LMTK2: variants seen among roughly 807,000 people sequenced by gnomAD.
LMTK2 encodes serine/threonine-protein kinase LMTK2.
A neutral mutation model predicts 127.5 loss-of-function variants in LMTK2; 37 were observed. The ratio of observed to expected loss-of-function variants is 0.29; its 90% CI spans 0.22 to 0.38. The LOEUF (loss-of-function observed/expected upper bound fraction) is 0.38, where lower values mean the gene tolerates loss of function less well. Ranked by LOEUF, LMTK2 falls within the 10% of genes least tolerant of loss-of-function variation. The pLI is 1.00. For synonymous variants in LMTK2, 819 were observed against 810.1 expected (o/e 1.01, Z -0.19); for missense variants, 1,694 against 1,920.3 (o/e 0.88, Z 2.20).
chr7:98,193,656 A>G lies in LMTK2; in HGVS notation c.3191A>G (p.His1064Arg). The G allele has an allele frequency of 6.2e-7, 1 of 1,613,800 alleles. No homozygotes were observed. The highest frequency in any genetic ancestry group is 8.5e-7 in the Non-Finnish European group (1 of 1,179,918). Residue 1064 changes from histidine to arginine, a missense_variant, in exon 11 of 14, where the codon CAC becomes CGC. Transcript: ENST00000297293. The surrounding 1 kb of genome is among the most constrained non-coding windows in gnomAD (Gnocchi z 4.1). ...CCAGCCACCACGGGCGATGGCGGCC[A>G]CAGCGGTCTGCCTCCCAACCCGGTC... The part of the protein sequence containing the change: ...SEPATTGDGG[H>R]SGLPPNPVIV...
At chr7:98,196,540 G>A (rs566213142) in intron 11 of LMTK2, among the ~76,000 whole-genome samples, 4 of 152,320 alleles carry the variant, frequency 2.6e-5, no homozygotes, top group South Asian at 4.1e-4. Flanking sequence ...TGAGCAGTGC[G>A]GTTAGGAGCT....
In LMTK2 at chr7:98,193,338, C is replaced by A; in HGVS notation, c.2873C>A (p.Ala958Glu). The change falls in exon 11 of 14, where the codon GCA (alanine) becomes GAA (glutamate). Residue 958 changes from alanine to glutamate, a missense_variant. Physicochemically the swap from Ala to Glu is moderately radical, Grantham distance 107 (BLOSUM62 -1). This residue lies in a region of LMTK2 where 527 missense variants were observed against 539.8 expected (regional missense o/e 0.98). Transcript: ENST00000297293. The surrounding 1 kb of genome is among the most constrained non-coding windows in gnomAD (Gnocchi z 4.1). ...ETLNQLNSKD[A>E]AKEAGLVSAL... ...TTAAATCAGCTCAATTCTAAAGACG[C>A]AGCAAAAGAAGCAGGCTTGGTGTCT... is the stretch of plus-strand genomic sequence containing the variant. 2 of 1,614,162 alleles carry A rather than the reference C, an allele frequency of 1.2e-6. No individual in the cohort carries two copies. The highest frequency in any genetic ancestry group is 1.7e-6 in the Non-Finnish European group (2 of 1,180,034).
rs1008493734 is a variant in LMTK2 at position 98,203,913 on chromosome 7, A to G, written c.4241-31A>G. ...CCCTCTCCCTCATCACGCAGTGATA[A>G]AAAGGGTGGGGTTTTATTTTTTATT... On this transcript the variant is annotated intron_variant, in intron 12 of 13. Coordinates refer to ENST00000297293, the MANE Select transcript of LMTK2 (RefSeq NM_014916.4). 8 of 1,610,712 alleles carry G rather than the reference A, an allele frequency of 5.0e-6. No homozygotes were observed. In the African/African-American group the frequency reaches 5.4e-5, roughly 11 times the overall value.
chr7:98,167,958 G>A (rs918247516), intron 6 of LMTK2, among the ~76,000 whole-genome samples: 5 of 152,160 alleles, frequency 3.3e-5, no homozygotes, highest in African/African-American at 1.2e-4. Context: ...AGAACGGGCC[G>A]GTCTCCATTA....
chr7:98,190,530 G>T (rs1797506252), intron 9 of LMTK2, among the ~76,000 whole-genome samples, 198 bp from the exon 10 acceptor site: 1 of 152,102 alleles, frequency 6.6e-6, no homozygotes, highest in South Asian at 2.1e-4. Context: ...TGCAGTGAGT[G>T]GAGATCACAC....
chr7:98,121,942 C>T (rs34187237), intron 1 of LMTK2, among the ~76,000 whole-genome samples: 27 of 152,172 alleles, frequency 1.8e-4, no homozygotes, highest in Non-Finnish European at 3.2e-4. Context: ...GAGGTCTAGG[C>T]TGTGTTCGCA....
intron 4 of LMTK2, among the ~76,000 whole-genome samples, chr7:98,154,274 C>A (rs906983801): frequency 3.9e-5 from 6 of 152,206 alleles, no homozygotes; most frequent in African/African-American, 1.4e-4. Flanking sequence ...GGATGGAGTG[C>A]GATGGGTGTT....
intron 1 of LMTK2, among the ~76,000 whole-genome samples, chr7:98,127,072 T>C (rs183808524): frequency 9.8e-5 from 15 of 152,356 alleles, no homozygotes; most frequent in Admixed American, 2.6e-4. Flanking sequence ...AATGTTCTTA[T>C]AAATAGATAT....
intron 1 of LMTK2, among the ~76,000 whole-genome samples, chr7:98,120,635 G>A (rs1292015858): frequency 6.6e-6 from 1 of 152,076 alleles, no homozygotes; most frequent in Admixed American, 6.6e-5. Context: ...TTAAACTTGT[G>A]CCCCTTTCAA....
intron 3 of LMTK2, among the ~76,000 whole-genome samples, chr7:98,145,602 C>G (rs544743746): frequency 1.3e-5 from 2 of 152,214 alleles, no homozygotes; most frequent in South Asian, 4.1e-4. Flanking sequence ...ATGCACTGAT[C>G]TTTTCTTTTC....
At chr7:98,143,420 AC>A (rs1385277451) in intron 3 of LMTK2, among the ~76,000 whole-genome samples, 2 of 152,232 alleles carry the variant, frequency 1.3e-5, no homozygotes, top group Non-Finnish European at 2.9e-5. Flanking sequence ...TTTGTGAACT[AC>A]AAACAGTATT....
chr7:98,146,842 A>G (rs1243715750), intron 3 of LMTK2, among the ~76,000 whole-genome samples: 1 of 152,170 alleles, frequency 6.6e-6, no homozygotes, highest in Non-Finnish European at 1.5e-5. Flanking sequence ...TTTACTGGAG[A>G]TCTTTATTTC....
intron 1 of LMTK2, among the ~76,000 whole-genome samples, chr7:98,129,588 A>G (rs945577749): frequency 2.8e-5 from 4 of 142,446 alleles, no homozygotes; most frequent in African/African-American, 1.1e-4. Context: ...CTGGTCTTGA[A>G]CTCCTGGGCT....
chr7:98,192,287 C>A lies in LMTK2; in HGVS notation c.1822C>A (p.Gln608Lys). ...GTCCAGTACAGATGAGGACTTCTTC[C>A]AAAGCAGTACAGACCCCAAAGACTC... ...EESSTDEDFF[Q>K]SSTDPKDSSL... Residue 608 changes from glutamine to lysine, a missense_variant, in exon 11 of 14, where the codon CAA becomes AAA. By Grantham distance (53) the Gln-to-Lys change is moderately conservative (BLOSUM62 1). Around this residue, in one of 8 missense-constraint regions of LMTK2, gnomAD observed 527 missense variants for 539.8 expected, o/e 0.98. Coordinates refer to ENST00000297293, the MANE Select transcript of LMTK2 (RefSeq NM_014916.4). The A allele has an allele frequency of 6.5e-7, 1 of 1,534,462 alleles. No individual in the cohort carries two copies. The highest frequency in any genetic ancestry group is 1.3e-5 in the South Asian group (1 of 76,034).
At chr7:98,162,129 A>G (rs1797026265) in intron 6 of LMTK2, among the ~76,000 whole-genome samples, 1 of 152,154 alleles carries the variant, frequency 6.6e-6, no homozygotes, top group African/African-American at 2.4e-5. Flanking sequence ...TTTCTTCTGA[A>G]TGGGTTCAGA....
At position 98,168,860 on chromosome 7, in the gene LMTK2, T is replaced by C. The variant is rs562225803; in HGVS notation, c.658-2681T>C. Among the ~76,000 whole-genome samples, 333 of 152,258 alleles carry C rather than the reference T, an allele frequency of 2.2e-3. 1 individual carries two copies. The highest frequency in any genetic ancestry group is 3.1e-3 in the Non-Finnish European group (212 of 68,028). ...GGGGGGTTTTGGGAAGCTGAGAAATTTTTAAAACTTGGATAAAGGAATGTT... is the reference window on the plus strand; with the variant it reads ...GGGGGGTTTTGGGAAGCTGAGAAATCTTTAAAACTTGGATAAAGGAATGTT... On this transcript the variant is annotated intron_variant, in intron 6 of 13. Coordinates refer to ENST00000297293, the MANE Select transcript of LMTK2 (RefSeq NM_014916.4).
At chr7:98,187,049 C>A in intron 9 of LMTK2, 51 bp downstream of exon 9, 4 of 1,553,450 alleles carry the variant, frequency 2.6e-6, no homozygotes, top group Non-Finnish European at 3.5e-6. Context: ...AAAGTCCTAA[C>A]TTCTTCCTCT....
chr7:98,201,254 ATTC>A (rs1797700307), intron 11 of LMTK2, among the ~76,000 whole-genome samples: 1 of 152,158 alleles, frequency 6.6e-6, no homozygotes, highest in South Asian at 2.1e-4. Flanking sequence ...CACTCAGATC[ATTC>A]TTCTCCTAGA....
intron 1 of LMTK2, among the ~76,000 whole-genome samples, chr7:98,122,542 T>C (rs544181652): frequency 7.2e-5 from 11 of 152,118 alleles, no homozygotes; most frequent in Non-Finnish European, 1.0e-4. Context: ...AAACAAGGCA[T>C]TGTGACCCAT....
Sources: gnomAD v4.1 joint callset for allele counts (sites outside exome capture counted in the v4.1 genomes callset) on GRCh38, gnomAD v4.1.1 for gene constraint, gnomAD v4.1.1 regional missense constraint, Gnocchi (gnomAD v3.1) non-coding constraint, MANE v1.5 for transcripts, NCBI Gene and HGNC (gene_info 2026-07-23, HGNC 2026-07-21) for gene names.